CCDC83: variants seen among roughly 807,000 people sequenced by gnomAD.
CCDC83 encodes the protein coiled-coil domain containing 83.
CCDC83 carries 54 observed loss-of-function variants against 50.1 expected under a neutral mutation model. The observed-to-expected ratio is 1.08, with a 90% CI of 0.87 to 1.35. The LOEUF (loss-of-function observed/expected upper bound fraction) is 1.35, where lower values mean the gene tolerates loss of function less well. Among genes scored for constraint, CCDC83 ranks in the 40% most tolerant of loss-of-function variants. The pLI, the probability that CCDC83 is intolerant of heterozygous loss-of-function variation, is 0.00. For missense variants in CCDC83, 518 were observed against 473.9 expected (o/e 1.09, Z -0.86); for synonymous variants, 161 against 153.3 (o/e 1.05, Z -0.37).
rs2093475677 is a variant in CCDC83 at position 85,916,033 on chromosome 11, A to G, written c.880A>G (p.Lys294Glu). Residue 294 changes from lysine (K) to glutamate (E), a missense_variant, in exon 10 of 11, where the codon AAG becomes GAG. Coordinates refer to ENST00000342404, the MANE Select transcript of CCDC83 (RefSeq NM_001286159.2). The stretch of plus-strand genomic sequence containing the variant: ...TTCCTTTGTATTTATCCAAGAAGAG[A>G]AGTCAGAATTGCAACCCACAGAAGT... Reference protein sequence around the residue: ...LELPETHIEEKSELQPTEVES... With the variant: ...LELPETHIEEESELQPTEVES... 1 of 1,600,022 alleles carries G rather than the reference A, an allele frequency of 6.2e-7. No individual in the cohort carries two copies. The highest frequency in any genetic ancestry group is 8.5e-7 in the Non-Finnish European group (1 of 1,170,080).
In CCDC83 at chr11:85,919,659, T is replaced by C. The variant is rs983042284; in HGVS notation, c.*149T>C. ...TCATATTTACATTTAAAATCAAAGG[T>C]ATTCAGCTATTCATTTACTTGCATG... On this transcript the variant is annotated 3_prime_UTR_variant, in exon 11 of 11. Coordinates refer to ENST00000342404, the MANE Select transcript of CCDC83 (RefSeq NM_001286159.2). The C allele has an allele frequency of 3.2e-6, 2 of 634,006 alleles. No homozygotes were observed. The highest frequency in any genetic ancestry group is 2.1e-5 in the South Asian group (1 of 48,254). 39.3% of individuals were successfully genotyped at this position (634,006 alleles called of 1,614,324 possible).
intron 2 of CCDC83, among the ~76,000 whole-genome samples, chr11:85,865,913 A>C (rs868116455): frequency 6.6e-6 from 1 of 152,018 alleles, no homozygotes; most frequent in Non-Finnish European, 1.5e-5. Context: ...AAAAAAAAAA[A>C]AGAGAGAATG....
chr11:85,908,608 T>TAGAC (rs1190770845), intron 7 of CCDC83, among the ~76,000 whole-genome samples: 1,786 of 133,222 alleles, frequency 0.013, 28 homozygotes, highest in Middle Eastern at 0.018. Flanking sequence ...GATAGATAGA[T>TAGAC]AGACAGATAG....
chr11:85,861,321 T>G (rs1041755429), intron 1 of CCDC83, among the ~76,000 whole-genome samples: 6 of 152,242 alleles, frequency 3.9e-5, no homozygotes, highest in African/African-American at 1.4e-4. Context: ...ACTATTACTT[T>G]TATTAGCCTT....
intron 6 of CCDC83, among the ~76,000 whole-genome samples, chr11:85,895,662 T>C (rs200766418): frequency 6.6e-6 from 1 of 152,240 alleles, no homozygotes; most frequent in East Asian, 1.9e-4. Flanking sequence ...TTACTGGCTG[T>C]ATAATGAATT....
chr11:85,860,301 C>CA (rs56657675), intron 1 of CCDC83, among the ~76,000 whole-genome samples: 6,147 of 55,138 alleles, frequency 0.11, 428 homozygotes, highest in African/African-American at 0.21. Flanking sequence ...GACTCCGTCT[C>CA]AAAAAAAAAA....
In CCDC83 at chr11:85,919,382, C is replaced by T; in HGVS notation, c.1114C>T (p.Leu372Phe). The change falls in exon 11 of 11, where the codon CTT becomes TTT. Residue 372 changes from leucine (L) to phenylalanine (F), a missense_variant. Transcript: ENST00000342404. ...YVNLGPLGVK[L>F]MSVESKKMPI... ...AAACTTGGGCCCCCTGGGAGTGAAG[C>T]TTATGAGTGTGGAGAGCAAGAAAAT... is the stretch of plus-strand genomic sequence containing the variant. 1 of 1,613,024 alleles carries T rather than the reference C, an allele frequency of 6.2e-7. No individual in the cohort carries two copies. The highest frequency in any genetic ancestry group is 8.5e-7 in the Non-Finnish European group (1 of 1,179,688).
chr11:85,865,430 A>T (rs1343568029), intron 2 of CCDC83, among the ~76,000 whole-genome samples: 1 of 152,256 alleles, frequency 6.6e-6, no homozygotes, highest in African/African-American at 2.4e-5. Flanking sequence ...AGCTATGACT[A>T]CTTAGACTAT....
At chr11:85,894,401 C>T (rs1168536236) in intron 5 of CCDC83, among the ~76,000 whole-genome samples, 1 of 152,162 alleles carries the variant, frequency 6.6e-6, no homozygotes, top group African/African-American at 2.4e-5. Flanking sequence ...ACATATAACA[C>T]AGAAGTAATA....
At chr11:85,863,650 A>T (rs77296619) in intron 1 of CCDC83, among the ~76,000 whole-genome samples, 2 of 152,224 alleles carry the variant, frequency 1.3e-5, no homozygotes, top group Admixed American at 6.5e-5. Flanking sequence ...GCGTGTTTTC[A>T]TATTAACAAG....
chr11:85,901,888 A>G, intron 7 of CCDC83, among the ~76,000 whole-genome samples: 1 of 151,596 alleles, frequency 6.6e-6, no homozygotes. Context: ...AAAATTAGCC[A>G]GGCATGGTGG....
At position 85,919,584 on chromosome 11, in the gene CCDC83, AT is replaced by A. The variant is rs2135167872; in HGVS notation, c.*78del. 3 of 1,087,788 alleles carry A rather than the reference AT, an allele frequency of 2.8e-6. No homozygotes were observed. In the Admixed American group the frequency reaches 7.7e-5, roughly 28 times the overall value. The allele number at this position is 1,087,788 out of a possible 1,614,324, so 67.4% of individuals were successfully genotyped here. A position where few individuals can be genotyped will look rare whatever the true frequency, so the allele number is the denominator to read the frequency against. ...GGGAACTGAAGTATATCCGTTGCCC[AT>A]TTTACTTACACTTTGGCTCATTTTT... On this transcript the variant is annotated 3_prime_UTR_variant, in exon 11 of 11. Coordinates refer to ENST00000342404, the MANE Select transcript of CCDC83 (RefSeq NM_001286159.2).
intron 10 of CCDC83, chr11:85,916,539 T>G (rs1341850844): frequency 3.1e-6 from 1 of 320,034 alleles, no homozygotes; most frequent in Non-Finnish European, 5.8e-6. Context: ...CGCTTAGGGC[T>G]CTGTTGGTTA....
chr11:85,883,431 A>T (rs576749990), intron 4 of CCDC83, among the ~76,000 whole-genome samples: 48 of 152,176 alleles, frequency 3.2e-4, no homozygotes, highest in African/African-American at 1.2e-3. Flanking sequence ...ACCCCATTAG[A>T]TGGAGGAAAT....
chr11:85,883,352 G>T (rs775330869), intron 4 of CCDC83, among the ~76,000 whole-genome samples: 1 of 151,002 alleles, frequency 6.6e-6, no homozygotes, highest in Non-Finnish European at 1.5e-5. Context: ...CTTCAGCTTA[G>T]ATTTGGGAAT....
At chr11:85,909,517 G>A (rs1240986181) in intron 7 of CCDC83, among the ~76,000 whole-genome samples, 4 of 151,564 alleles carry the variant, frequency 2.6e-5, no homozygotes, top group Non-Finnish European at 5.9e-5. Flanking sequence ...TTGGGTGGTG[G>A]AGAGGTGGGT....
intron 7 of CCDC83, among the ~76,000 whole-genome samples, chr11:85,906,317 T>G (rs552255605): frequency 2.2e-4 from 33 of 152,232 alleles, no homozygotes; most frequent in African/African-American, 7.5e-4. Context: ...TCCACCAGCC[T>G]TAGCCTCCCC....
At chr11:85,889,643 A>C (rs1373614710) in intron 5 of CCDC83, among the ~76,000 whole-genome samples, 1 of 152,196 alleles carries the variant, frequency 6.6e-6, no homozygotes, top group Non-Finnish European at 1.5e-5. Flanking sequence ...AAATCAATCT[A>C]TCTGAAGGCT....
chr11:85,855,186 C>T (rs1373704755), upstream of CCDC83: 1 of 152,310 alleles, frequency 6.6e-6, no homozygotes, highest in Non-Finnish European at 1.5e-5. Context: ...CGCCCAGGGC[C>T]GGGTATCCGC....
Sources: gnomAD v4.1 joint callset for allele counts (sites outside exome capture counted in the v4.1 genomes callset) on GRCh38, gnomAD v4.1.1 for gene constraint, MANE v1.5 for transcripts, NCBI Gene and HGNC (gene_info 2026-07-23, HGNC 2026-07-21) for gene names.